Variants in GEMIN5 observed in about 807,000 individuals in gnomAD.
GEMIN5 encodes the protein gem nuclear organelle associated protein 5.
In GEMIN5, 124 loss-of-function variants were observed where a neutral mutation model predicts 176.9. The ratio of observed to expected loss-of-function variants is 0.70; its 90% CI spans 0.61 to 0.81. The LOEUF (loss-of-function observed/expected upper bound fraction) is 0.81, where lower values mean the gene tolerates loss of function less well. GEMIN5 is among the 40% of genes least tolerant of loss of function. The pLI is 0.00. For missense variants in GEMIN5, 1,843 were observed against 1,814.6 expected, an observed-to-expected ratio of 1.02 and a Z score of -0.28; for synonymous variants, 673 against 665.2, an observed-to-expected ratio of 1.01 and a Z score of -0.18.
intron 7 of GEMIN5, 23 bp from the exon 8 acceptor site, chr5:154,926,097 C>T (rs1270653224): frequency 4.8e-6 from 7 of 1,469,236 alleles, no homozygotes; most frequent in Non-Finnish European, 6.7e-6. Flanking sequence ...ACGGTAAGGG[C>T]CTAAACATAA....
At chr5:154,925,597 C>T (rs906023325) in intron 8 of GEMIN5, among the ~76,000 whole-genome samples, 6 of 152,058 alleles carry the variant, frequency 3.9e-5, no homozygotes, top group African/African-American at 1.4e-4. Context: ...TATAACTTAA[C>T]GCATTTTCTA....
In GEMIN5 at chr5:154,925,889, C is replaced by A; in HGVS notation, c.1266G>T (p.Trp422Cys). Residue 422 changes from tryptophan (W) to cysteine (C), a missense_variant, in exon 8 of 28, where the codon TGG (tryptophan) becomes TGT (cysteine). Transcript: ENST00000285873. ...CTGTAACCTTGGACTTCACGCCTTG[C>A]CAAAAATTTTTCACATCATAGTTGT... ...IKNNYDVKNF[W>C]QGVKSKVTAL... 1.2e-6 allele frequency: 2 copies of A among 1,613,154 alleles called. No individual in the cohort carries two copies. Among genetic ancestry groups the A allele is most frequent in the South Asian group, 1.1e-5 (1 of 91,046 alleles).
intron 6 of GEMIN5, 70 bp from the exon 7 acceptor site, chr5:154,927,620 G>T: frequency 8.5e-7 from 1 of 1,179,046 alleles, no homozygotes; most frequent in Non-Finnish European, 1.2e-6. Context: ...TTGAGACAGA[G>T]TCTGGGCTCA....
intron 12 of GEMIN5, 67 bp from the exon 13 acceptor site, chr5:154,917,246 T>C (rs1397608774): frequency 6.0e-6 from 5 of 828,622 alleles, no homozygotes; most frequent in African/African-American, 3.4e-5. Flanking sequence ...ATGCAAATAG[T>C]AGCTCCCTCA....
Position 154,917,194 on chromosome 5 carries a change from A to T in GEMIN5, c.1674-15T>A. 7.2e-7 allele frequency: 1 copy of T among 1,398,056 alleles called. No homozygotes were observed. The highest frequency in any genetic ancestry group is 1.9e-4 in the Middle Eastern group (1 of 5,322). The allele number at this position is 1,398,056 out of a possible 1,614,324, so 86.6% of individuals were successfully genotyped here. A position where few individuals can be genotyped will look rare whatever the true frequency, so the allele number is the denominator to read the frequency against. ...TTTCTATTGATCTGGAATAAGAAAC[A>T]CATCAAAACAAGAAAGATGGATGAT... On this transcript the variant is annotated splice_polypyrimidine_tract_variant and intron_variant, in intron 12 of 27. Coordinates refer to ENST00000285873, the MANE Select transcript of GEMIN5 (RefSeq NM_015465.5).
intron 4 of GEMIN5, 102 bp from the exon 5 acceptor site, chr5:154,931,679 T>C (rs1482454987): frequency 2.3e-6 from 2 of 882,114 alleles, no homozygotes; most frequent in East Asian, 2.5e-5. Context: ...ATCTCTTTCA[T>C]AGGTCTGAAC....
rs1418717296 is a variant in GEMIN5, at chr5:154,924,452, A to C, written c.1379+17T>G. The C allele has an allele frequency of 6.5e-6, 10 of 1,528,382 alleles. No individual in the cohort carries two copies. The highest frequency in any genetic ancestry group is 9.1e-6 in the Non-Finnish European group (10 of 1,103,548). The allele number at this position is 1,528,382 out of a possible 1,614,324, so 94.7% of individuals were successfully genotyped here. A position where few individuals can be genotyped will look rare whatever the true frequency, so the allele number is the denominator to read the frequency against. On this transcript the variant is annotated intron_variant, in intron 9 of 27. Transcript: ENST00000285873. ...GCTCCCCGGGCCACAATGGAAGAAGAATCACCCATTTCTTACTTGTTGGAG... is the reference window on the plus strand; with the variant it reads ...GCTCCCCGGGCCACAATGGAAGAAGCATCACCCATTTCTTACTTGTTGGAG...
intron 13 of GEMIN5, among the ~76,000 whole-genome samples, chr5:154,914,512 T>A (rs1217175576): frequency 2.1e-5 from 3 of 145,302 alleles, no homozygotes; most frequent in African/African-American, 7.5e-5. Context: ...TATTTTACTT[T>A]TTTTTTTTTT....
At chr5:154,920,867 G>A (rs1037494590) in intron 10 of GEMIN5, among the ~76,000 whole-genome samples, 1 of 152,156 alleles carries the variant, frequency 6.6e-6, no homozygotes, top group Non-Finnish European at 1.5e-5. Context: ...GAAAGACAAG[G>A]CTGAGGGGCT....
At position 154,918,059 on chromosome 5, in the gene GEMIN5, T is replaced by G. The variant is rs145403023; in HGVS notation, c.1600-55A>C. The stretch of plus-strand genomic sequence containing the variant: ...ATATACATATCTCACAAATCAGCAA[T>G]GACAGCATGAGAAAAAAAAATCCCT... On this transcript the variant is annotated intron_variant, in intron 11 of 27. Transcript: ENST00000285873. The G allele has an allele frequency of 3.3e-4, 365 of 1,099,072 alleles. 2 individuals carry two copies. In the African/African-American group the frequency reaches 5.2e-3, roughly 16 times the overall value. The allele number at this position is 1,099,072 out of a possible 1,614,324, so 68.1% of individuals were successfully genotyped here.
In GEMIN5 at chr5:154,911,779, A is replaced by C. The variant is rs373957146; in HGVS notation, c.2115T>G (p.Phe705Leu). 7.3e-5 allele frequency: 118 copies of C among 1,613,934 alleles called. No homozygotes were observed. The highest frequency in any genetic ancestry group is 2.6e-4 in the South Asian group (24 of 91,084). The change falls in exon 15 of 28, where the codon TTT (phenylalanine) becomes TTG (leucine). Residue 705 changes from phenylalanine (F) to leucine (L), a missense_variant. Transcript: ENST00000285873. ...TGGAAGTGAGCCACTTGTGCACACA[A>C]AAGTCATCTGCCCCTGAATAGATGC... ...PDCIYSGADD[F>L]CVHKWLTSMQ...
chr5:154,921,597 T>C (rs1438553342), intron 9 of GEMIN5, among the ~76,000 whole-genome samples, 172 bp from the exon 10 acceptor site: 1 of 152,212 alleles, frequency 6.6e-6, no homozygotes, highest in East Asian at 1.9e-4. Context: ...CAGTTAATTA[T>C]CATATAATAT....
intron 24 of GEMIN5, among the ~76,000 whole-genome samples, chr5:154,895,709 TTTTTA>T (rs1763333934): frequency 6.6e-6 from 1 of 152,186 alleles, no homozygotes; most frequent in Non-Finnish European, 1.5e-5. Context: ...TTTTCTAGAC[TTTTTA>T]TTTTACTTTT....
rs758664958 is a variant in GEMIN5 at position 154,928,668 on chromosome 5, TA to T, written c.782-10del. 6.2e-7 allele frequency: 1 copy of T among 1,613,484 alleles called. No homozygotes were observed. Among genetic ancestry groups the T allele is most frequent in the East Asian group, 2.2e-5 (1 of 44,874 alleles). On this transcript the variant is annotated splice_polypyrimidine_tract_variant and intron_variant, in intron 5 of 27. Coordinates refer to ENST00000285873, the MANE Select transcript of GEMIN5 (RefSeq NM_015465.5). The stretch of plus-strand genomic sequence containing the variant: ...TTTCAAAATCATCACCCCTGCAGAT[TA>T]AAAAGAAGGCCAGTGGGCACTCAAG...
At chr5:154,898,392 T>G (rs748579586) in intron 23 of GEMIN5, 48 bp downstream of exon 23, 8 of 1,499,054 alleles carry the variant, frequency 5.3e-6, no homozygotes, top group African/African-American at 1.4e-5. Flanking sequence ...AGAAAAGGAT[T>G]TGGGACACTT....
chr5:154,929,041 G>A (rs1017479253), intron 5 of GEMIN5, among the ~76,000 whole-genome samples: 6 of 152,008 alleles, frequency 3.9e-5, no homozygotes, highest in Non-Finnish European at 7.4e-5. Flanking sequence ...GGCTAACATG[G>A]TGAAACCCTG....
chr5:154,928,456 A>T, intron 6 of GEMIN5, 71 bp downstream of exon 6: 1 of 1,409,050 alleles, frequency 7.1e-7, no homozygotes, highest in Non-Finnish European at 1.0e-6. Context: ...TACTTTCTCC[A>T]TCCTAGGAGG....
chr5:154,914,528 TA>T (rs1377778850), intron 13 of GEMIN5, among the ~76,000 whole-genome samples: 246 of 107,234 alleles, frequency 2.3e-3, no homozygotes, highest in African/African-American at 7.8e-3. Context: ...TTTTTTTTTT[TA>T]AAGAGACTAG....
rs771944349 is a variant in GEMIN5 at position 154,911,798 on chromosome 5, T to C, written c.2096A>G (p.Tyr699Cys). The C allele has an allele frequency of 5.6e-6, 9 of 1,613,726 alleles. No individual in the cohort carries two copies. The highest frequency in any genetic ancestry group is 1.7e-5 in the Admixed American group (1 of 59,996). The change falls in exon 15 of 28, where the codon TAT becomes TGT. Residue 699 changes from tyrosine (Y) to cysteine (C), a missense_variant. Tyr to Cys is a radical substitution (Grantham distance 194). Transcript: ENST00000285873. ...CACACAAAAGTCATCTGCCCCTGAA[T>C]AGATGCAGTCTGGATCCAAAGGAGA... Reference protein sequence around the residue: ...AWSPLDPDCIYSGADDFCVHK... With the variant: ...AWSPLDPDCICSGADDFCVHK...
Sources: gnomAD v4.1 joint callset for allele counts (sites outside exome capture counted in the v4.1 genomes callset) on GRCh38, gnomAD v4.1.1 for gene constraint, MANE v1.5 for transcripts, NCBI Gene and HGNC (gene_info 2026-07-23, HGNC 2026-07-21) for gene names.